The following LEKR1 variants were observed in gnomAD, a reference collection of about 807,000 sequenced individuals.
LEKR1 encodes the protein protein LEKR1.
In LEKR1, 59 loss-of-function variants were observed where a neutral mutation model predicts 72.4. That is an observed-to-expected ratio of 0.82 (90% CI 0.66 to 1.01). The LOEUF (loss-of-function observed/expected upper bound fraction) is 1.01. Ranked by LOEUF, LEKR1 falls within the 50% of genes least tolerant of loss-of-function variation. The probability of loss-of-function intolerance (pLI) is 0.00; values close to 1 mark genes in which losing one functional copy is unlikely to be tolerated. For synonymous variants in LEKR1, 257 were observed against 263.2 expected (o/e 0.98, Z 0.23); for missense variants, 728 against 759.2 (o/e 0.96, Z 0.48).
intron 3 of LEKR1, among the ~76,000 whole-genome samples, chr3:156,883,745 G>A (rs1719743733): frequency 2.0e-5 from 3 of 152,142 alleles, no homozygotes; most frequent in Admixed American, 6.6e-5. Flanking sequence ...CCATGATTGT[G>A]AGGCCTCCCC....
At chr3:156,917,323 A>G (rs181283230) in intron 3 of LEKR1, among the ~76,000 whole-genome samples, 8 of 152,300 alleles carry the variant, frequency 5.3e-5, no homozygotes, top group African/African-American at 1.4e-4. Context: ...ACAGGAAAGC[A>G]TCATTCTCCC....
At chr3:156,925,602 A>G (rs1171073248) in intron 4 of LEKR1, among the ~76,000 whole-genome samples, 1 of 152,076 alleles carries the variant, frequency 6.6e-6, no homozygotes, top group Non-Finnish European at 1.5e-5. Context: ...ATTGTGAACC[A>G]GATGATGCTT....
At chr3:156,841,096 G>A (rs1185061323) in intron 2 of LEKR1, among the ~76,000 whole-genome samples, 1 of 152,224 alleles carries the variant, frequency 6.6e-6, no homozygotes, top group Non-Finnish European at 1.5e-5. Flanking sequence ...ATGTAAGATA[G>A]TATCTGCTGT....
chr3:156,859,813 A>T (rs944373558), intron 3 of LEKR1, among the ~76,000 whole-genome samples: 1 of 152,200 alleles, frequency 6.6e-6, no homozygotes, highest in Non-Finnish European at 1.5e-5. Context: ...GCAACCACTG[A>T]TCTATACTGT....
intron 3 of LEKR1, among the ~76,000 whole-genome samples, chr3:156,894,472 C>T (rs764247931): frequency 3.3e-5 from 5 of 152,102 alleles, no homozygotes; most frequent in Admixed American, 6.5e-5. Flanking sequence ...TAGCATAGTG[C>T]TGTAGTCTGA....
At position 156,834,045 on chromosome 3, in the gene LEKR1, T is replaced by A. The variant is rs1202018368; in HGVS notation, c.48+4668T>A. ...ACTATTAATGTTAGGCCCAATTTTTTAATAAAACCTTATAAACAAATCTAT... is the reference window on the plus strand; with the variant it reads ...ACTATTAATGTTAGGCCCAATTTTTAAATAAAACCTTATAAACAAATCTAT... On this transcript the variant is annotated intron_variant, in intron 2 of 12. Coordinates refer to ENST00000356539, the MANE Select transcript of LEKR1 (RefSeq NM_001004316.3). Among the ~76,000 whole-genome samples, 3 of 152,132 alleles carry A rather than the reference T, an allele frequency of 2.0e-5. No individual in the cohort carries two copies. In the East Asian group the frequency reaches 5.8e-4, roughly 29 times the overall value.
chr3:156,828,352 G>A (rs1458092094), intron 1 of LEKR1, among the ~76,000 whole-genome samples: 2 of 152,142 alleles, frequency 1.3e-5, no homozygotes, highest in Non-Finnish European at 2.9e-5. Context: ...CCAGTCTCTT[G>A]TCAAAATCCT....
intron 4 of LEKR1, among the ~76,000 whole-genome samples, chr3:156,921,443 T>C (rs975056224): frequency 6.6e-6 from 1 of 152,174 alleles, no homozygotes; most frequent in African/African-American, 2.4e-5. Flanking sequence ...TAATTTTTAA[T>C]TCATTTTCTG....
rs187177146 is a variant in LEKR1 at position 156,933,214 on chromosome 3, A to T, written c.559+5610A>T. 2.2e-4 allele frequency among the ~76,000 whole-genome samples: 33 copies of T among 152,196 alleles called. No homozygotes were observed. The East Asian group carries it at 6.2e-3, about 29-fold the overall frequency. On this transcript the variant is annotated intron_variant, in intron 5 of 12. Coordinates refer to ENST00000356539, the MANE Select transcript of LEKR1 (RefSeq NM_001004316.3). ...ATACAGATATACTTTACATAATTATATTTCATTTCGTAAATATACTATATA... is the reference window on the plus strand; with the variant it reads ...ATACAGATATACTTTACATAATTATTTTTCATTTCGTAAATATACTATATA...
intron 9 of LEKR1, among the ~76,000 whole-genome samples, chr3:157,003,265 C>T (rs1278145492): frequency 6.6e-6 from 1 of 152,180 alleles, no homozygotes; most frequent in Non-Finnish European, 1.5e-5. Context: ...CCATTGACAG[C>T]TGCTCCTTAG....
At chr3:156,939,359 C>A (rs532274941) in intron 5 of LEKR1, among the ~76,000 whole-genome samples, 4 of 152,120 alleles carry the variant, frequency 2.6e-5, no homozygotes, top group Non-Finnish European at 5.9e-5. Flanking sequence ...GAGAAGGAAC[C>A]AATCCTGTTG....
chr3:157,021,285 T>G (rs1356822357), intron 10 of LEKR1, among the ~76,000 whole-genome samples: 2 of 151,904 alleles, frequency 1.3e-5, no homozygotes, highest in African/African-American at 4.8e-5. Flanking sequence ...TTAGTTTAAT[T>G]AGATCCCATT....
At chr3:156,895,421 C>T (rs1353974465) in intron 3 of LEKR1, among the ~76,000 whole-genome samples, 1 of 152,086 alleles carries the variant, frequency 6.6e-6, no homozygotes, top group Non-Finnish European at 1.5e-5. Context: ...CAAGACCAGC[C>T]TGAGCAACAT....
chr3:156,997,963 G>T (rs1731714144), intron 9 of LEKR1, among the ~76,000 whole-genome samples: 1 of 152,216 alleles, frequency 6.6e-6, no homozygotes, highest in Non-Finnish European at 1.5e-5. Context: ...CTCGAATCAT[G>T]GGATTCTGCA....
chr3:156,901,745 G>A (rs533313367), intron 3 of LEKR1, among the ~76,000 whole-genome samples: 3 of 152,332 alleles, frequency 2.0e-5, no homozygotes, highest in African/African-American at 4.8e-5. Flanking sequence ...GGAGTGCAGT[G>A]ACGTGGTCTC....
chr3:156,982,262 T>G (rs1730264844), intron 7 of LEKR1, among the ~76,000 whole-genome samples: 2 of 152,322 alleles, frequency 1.3e-5, no homozygotes, highest in Admixed American at 1.3e-4. Context: ...GTCTCCATCC[T>G]GCTGCCCTCA....
At chr3:156,840,687 G>A (rs1213692960) in intron 2 of LEKR1, among the ~76,000 whole-genome samples, 1 of 152,200 alleles carries the variant, frequency 6.6e-6, no homozygotes, top group East Asian at 1.9e-4. Flanking sequence ...GTTGCTGCCT[G>A]CCCTTCAGAT....
intron 3 of LEKR1, among the ~76,000 whole-genome samples, chr3:156,886,640 C>G (rs1347913043): frequency 6.6e-6 from 1 of 152,164 alleles, no homozygotes; most frequent in Non-Finnish European, 1.5e-5. Flanking sequence ...ACTGCTACTT[C>G]TACTTTTTTG....
intron 2 of LEKR1, among the ~76,000 whole-genome samples, chr3:156,834,593 A>G (rs1225470604): frequency 1.3e-5 from 2 of 152,210 alleles, no homozygotes; most frequent in African/African-American, 4.8e-5. Context: ...GTAAGTAAGT[A>G]ATTTTAACCA....
Sources: allele counts gnomAD v4.1 joint callset (sites outside exome capture counted in the v4.1 genomes callset), GRCh38; gene constraint gnomAD v4.1.1; transcripts MANE v1.5; gene names NCBI Gene and HGNC (gene_info 2026-07-23, HGNC 2026-07-21).